Variants in ZNF385B observed in about 807,000 individuals in gnomAD.
ZNF385B encodes the protein zinc finger protein 385B.
Under a neutral mutation model 39.2 loss-of-function variants are expected in ZNF385B, and 23 were observed. That is an observed-to-expected ratio of 0.59 (90% confidence interval 0.42 to 0.83). The LOEUF is 0.83. Ranked by LOEUF, ZNF385B falls within the 40% of genes least tolerant of loss-of-function variation. The pLI is 0.00. For missense variants in ZNF385B, 552 were observed against 598.9 expected, an observed-to-expected ratio of 0.92 and a Z score of 0.82; for synonymous variants, 205 against 222.6, an observed-to-expected ratio of 0.92 and a Z score of 0.70.
chr2:179,788,905 T>G (rs1705163731), intron 1 of ZNF385B, among the ~76,000 whole-genome samples: 1 of 152,194 alleles, frequency 6.6e-6, no homozygotes, highest in Non-Finnish European at 1.5e-5. Flanking sequence ...AGAAAGAGGA[T>G]GTGTGGAACA....
chr2:179,554,807 A>T (rs2060800439), intron 3 of ZNF385B, among the ~76,000 whole-genome samples: 2 of 149,362 alleles, frequency 1.3e-5, no homozygotes, highest in Non-Finnish European at 3.0e-5. Context: ...AGGTATCACT[A>T]CATATCCACA....
intron 6 of ZNF385B, among the ~76,000 whole-genome samples, chr2:179,466,227 T>C (rs1484006481): frequency 6.6e-6 from 1 of 152,180 alleles, no homozygotes; most frequent in Non-Finnish European, 1.5e-5. Context: ...AACAAACACA[T>C]TCCTTTGTGG....
intron 3 of ZNF385B, among the ~76,000 whole-genome samples, chr2:179,630,007 G>C (rs940171142): frequency 5.3e-5 from 8 of 152,240 alleles, no homozygotes; most frequent in African/African-American, 1.9e-4. Context: ...AAACAAAGTG[G>C]CCAAGAAGCT....
At chr2:179,552,528 G>A (rs953205556) in intron 3 of ZNF385B, among the ~76,000 whole-genome samples, 1 of 149,230 alleles carries the variant, frequency 6.7e-6, no homozygotes, top group Non-Finnish European at 1.5e-5. Flanking sequence ...AAATTTAAAT[G>A]AGTGGCATTT....
chr2:179,701,116 TATTA>T (rs1699166414), intron 3 of ZNF385B, among the ~76,000 whole-genome samples: 1 of 152,228 alleles, frequency 6.6e-6, no homozygotes, highest in Non-Finnish European at 1.5e-5. Flanking sequence ...TACAAACCAC[TATTA>T]ATTGTCTAAT....
chr2:179,704,811 G>A (rs79028995), intron 3 of ZNF385B, among the ~76,000 whole-genome samples: 8,496 of 152,210 alleles, frequency 0.056, 304 homozygotes, highest in Middle Eastern at 0.1. Context: ...AGCTGGCTGG[G>A]ATTACCATAT....
chr2:179,646,895 A>G (rs550796777), intron 3 of ZNF385B, among the ~76,000 whole-genome samples: 2 of 152,356 alleles, frequency 1.3e-5, no homozygotes, highest in Admixed American at 6.5e-5. Flanking sequence ...ATATGCAATC[A>G]GAGACATAGA....
chr2:179,571,178 C>T (rs534651526), intron 3 of ZNF385B, among the ~76,000 whole-genome samples: 1 of 152,302 alleles, frequency 6.6e-6, no homozygotes, highest in East Asian at 1.9e-4. Flanking sequence ...AAAGTCCTTG[C>T]TCTTAACTGG....
At chr2:179,551,814 C>G (rs1193828009) in intron 3 of ZNF385B, among the ~76,000 whole-genome samples, 1 of 152,068 alleles carries the variant, frequency 6.6e-6, no homozygotes, top group African/African-American at 2.4e-5. Flanking sequence ...TTCCTTCTCA[C>G]AACAGCATCG....
At chr2:179,698,534 G>T (rs1052736114) in intron 3 of ZNF385B, among the ~76,000 whole-genome samples, 2 of 152,030 alleles carry the variant, frequency 1.3e-5, no homozygotes, top group Non-Finnish European at 2.9e-5. Flanking sequence ...TAAATCAAGG[G>T]CAACTACTTC....
intron 3 of ZNF385B, among the ~76,000 whole-genome samples, chr2:179,688,688 C>A (rs186413566): frequency 2.6e-5 from 4 of 152,102 alleles, no homozygotes; most frequent in Non-Finnish European, 5.9e-5. Flanking sequence ...CACTTAATAT[C>A]GACCCTCTAG....
chr2:179,511,591 A>G (rs1480310203), intron 5 of ZNF385B, among the ~76,000 whole-genome samples: 2 of 152,198 alleles, frequency 1.3e-5, no homozygotes, highest in East Asian at 3.8e-4. Flanking sequence ...GAGGGAGGTC[A>G]TTGAACGACT....
chr2:179,521,355 T>TTTTTG (rs1273048117), intron 4 of ZNF385B, among the ~76,000 whole-genome samples: 1 of 144,040 alleles, frequency 6.9e-6, no homozygotes, highest in African/African-American at 2.6e-5. Context: ...CCTGGCCAGT[T>TTTTTG]TTTTTTTTTT....
intron 3 of ZNF385B, among the ~76,000 whole-genome samples, chr2:179,662,896 C>T (rs1694662427): frequency 6.6e-6 from 1 of 151,994 alleles, no homozygotes; most frequent in African/African-American, 2.4e-5. Flanking sequence ...TACTAAAAAT[C>T]ATTGAGGAGC....
intron 3 of ZNF385B, among the ~76,000 whole-genome samples, chr2:179,597,211 G>A (rs1033043324): frequency 6.6e-6 from 1 of 152,086 alleles, no homozygotes; most frequent in African/African-American, 2.4e-5. Flanking sequence ...TACTTGTTAT[G>A]GCAGCACGCC....
At chr2:179,719,626 T>C (rs1160029018) in intron 3 of ZNF385B, among the ~76,000 whole-genome samples, 1 of 152,218 alleles carries the variant, frequency 6.6e-6, no homozygotes, top group Non-Finnish European at 1.5e-5. Context: ...CAGGAAATAA[T>C]AGATTTTAAC....
chr2:179,815,833 AC>A (rs1385482556), intron 1 of ZNF385B, among the ~76,000 whole-genome samples: 2 of 152,164 alleles, frequency 1.3e-5, no homozygotes, highest in Admixed American at 1.3e-4. Context: ...ACTCCACTGT[AC>A]TATTAACCCT....
chr2:179,797,026 C>G (rs1018101478), intron 1 of ZNF385B, among the ~76,000 whole-genome samples: 2 of 152,048 alleles, frequency 1.3e-5, no homozygotes, highest in African/African-American at 4.8e-5. Context: ...ATGTTAACTA[C>G]ATTTTATTAT....
At chr2:179,755,575 T>C (rs1702961465) in intron 3 of ZNF385B, among the ~76,000 whole-genome samples, 1 of 152,196 alleles carries the variant, frequency 6.6e-6, no homozygotes, top group Admixed American at 6.5e-5. Context: ...CTAAGTCTCT[T>C]TGTAGGTCTC....
Sources: allele counts gnomAD v4.1 joint callset (sites outside exome capture counted in the v4.1 genomes callset), GRCh38; gene constraint gnomAD v4.1.1; transcripts MANE v1.5; gene names NCBI Gene and HGNC (gene_info 2026-07-23, HGNC 2026-07-21).